NEDD4L: variants seen among roughly 807,000 people sequenced by gnomAD.
The protein encoded by NEDD4L is E3 ubiquitin-protein ligase NEDD4-like.
A neutral mutation model predicts 148.9 loss-of-function variants in NEDD4L; 54 were observed. The observed-to-expected ratio is 0.36, with a 90% CI of 0.29 to 0.45. The LOEUF is 0.45. NEDD4L is among the 20% of genes least tolerant of loss of function. The pLI, the probability that NEDD4L is intolerant of heterozygous loss-of-function variation, is 1.00. For synonymous variants in NEDD4L, 433 were observed against 440.7 expected (o/e 0.98, Z 0.22); for missense variants, 856 against 1,233.8 (o/e 0.69, Z 4.59).
intron 16 of NEDD4L, among the ~76,000 whole-genome samples, chr18:58,343,328 T>C (rs1310063926): frequency 6.6e-6 from 1 of 152,146 alleles, no homozygotes; most frequent in Admixed American, 6.5e-5. Flanking sequence ...GACTGCCTTT[T>C]CTCCTGGGAA....
intron 1 of NEDD4L, among the ~76,000 whole-genome samples, chr18:58,120,266 CCTT>C (rs2086143289): frequency 6.6e-6 from 1 of 152,098 alleles, no homozygotes. Flanking sequence ...AAAGACAAGG[CCTT>C]CTGATGTCAG....
chr18:58,230,046 A>G (rs2044938489), intron 2 of NEDD4L, among the ~76,000 whole-genome samples: 1 of 152,170 alleles, frequency 6.6e-6, no homozygotes, highest in South Asian at 2.1e-4. Context: ...AAAAATATCA[A>G]CAGCAGACAT....
chr18:58,345,412 T>C (rs909125318), intron 16 of NEDD4L, among the ~76,000 whole-genome samples: 1 of 152,218 alleles, frequency 6.6e-6, no homozygotes, highest in Admixed American at 6.5e-5. Flanking sequence ...GTTTGCTTTG[T>C]TTTTTATTTT....
chr18:58,093,918 A>G (rs57241266), intron 1 of NEDD4L, among the ~76,000 whole-genome samples: 15,033 of 152,236 alleles, frequency 0.099, 906 homozygotes, highest in Admixed American at 0.16. Flanking sequence ...TGCTAGAGCA[A>G]GACATGCAGT....
At chr18:58,111,107 G>A (rs774549019) in intron 1 of NEDD4L, among the ~76,000 whole-genome samples, 1 of 152,012 alleles carries the variant, frequency 6.6e-6, no homozygotes, top group Non-Finnish European at 1.5e-5. Context: ...TCTCACTGTC[G>A]CCCAGGCTGG....
In NEDD4L at chr18:58,195,483, C is replaced by A. The variant is rs534642675; in HGVS notation, c.122+29622C>A. The A allele has an allele frequency of 1.5e-4, 206 of 1,343,434 alleles. 4 individuals are homozygous for A. The South Asian group carries it at 2.2e-3, about 15-fold the overall frequency. 83.2% of individuals were successfully genotyped at this position (1,343,434 alleles called of 1,614,324 possible). On this transcript the variant is annotated intron_variant, in intron 2 of 30. Coordinates refer to ENST00000400345, the MANE Select transcript of NEDD4L (RefSeq NM_001144967.3). ...CCAACCCAGACAGGCTTAAGCCGCG[C>A]GAGGGTGCCCGGGTGGGTGGCTGCG...
intron 2 of NEDD4L, among the ~76,000 whole-genome samples, chr18:58,181,439 G>A (rs548315881): frequency 2.3e-4 from 35 of 152,156 alleles, no homozygotes; most frequent in South Asian, 1.2e-3. Context: ...GTCTATCTAC[G>A]GATTAATTAA....
intron 2 of NEDD4L, among the ~76,000 whole-genome samples, chr18:58,230,043 T>G (rs954907427): frequency 6.6e-6 from 1 of 151,946 alleles, no homozygotes; most frequent in Non-Finnish European, 1.5e-5. Context: ...TGGAAAAATA[T>G]CAACAGCAGA....
chr18:58,292,100 G>A (rs2054840218), intron 5 of NEDD4L, among the ~76,000 whole-genome samples: 1 of 151,734 alleles, frequency 6.6e-6, no homozygotes, highest in Admixed American at 6.6e-5. Flanking sequence ...GACAGAGCGA[G>A]CACTCAAACG....
At chr18:58,051,968 G>A (rs914040395) in intron 1 of NEDD4L, among the ~76,000 whole-genome samples, 3 of 152,078 alleles carry the variant, frequency 2.0e-5, no homozygotes, top group African/African-American at 7.2e-5. Flanking sequence ...CAGACTATAG[G>A]TGGCAATGTT....
At chr18:58,375,885 C>T (rs908587934) in intron 24 of NEDD4L, among the ~76,000 whole-genome samples, 1 of 151,892 alleles carries the variant, frequency 6.6e-6, no homozygotes, top group Non-Finnish European at 1.5e-5. Flanking sequence ...TTTAAAAAGC[C>T]GGACCTATTG....
rs77985836 is a variant in NEDD4L, at chr18:58,121,437, T to C, written c.49-44351T>C. Among the ~76,000 whole-genome samples, 1,180 of 152,252 alleles carry C rather than the reference T, an allele frequency of 7.8e-3. 15 individuals are homozygous for C. The highest frequency in any genetic ancestry group is 0.027 in the African/African-American group (1,107 of 41,548). On this transcript the variant is annotated intron_variant, in intron 1 of 30. Coordinates refer to ENST00000400345, the MANE Select transcript of NEDD4L (RefSeq NM_001144967.3). ...TTCTTTCTTTTCTTTCATTCTTTTT[T>C]TTTTTGACAGGGTCTCTCTATCACC... is the stretch of plus-strand genomic sequence containing the variant.
chr18:58,157,040 T>A (rs1448632276), intron 1 of NEDD4L, among the ~76,000 whole-genome samples: 2 of 144,984 alleles, frequency 1.4e-5, no homozygotes, highest in African/African-American at 2.6e-5. Flanking sequence ...AAAAAAAAAA[T>A]AGCTGGGTAT....
rs144578077 is a variant in NEDD4L at position 58,110,599 on chromosome 18, C to T, written c.49-55189C>T. Among the ~76,000 whole-genome samples, 356 of 152,268 alleles carry T rather than the reference C, an allele frequency of 2.3e-3. 2 individuals carry two copies. Among genetic ancestry groups the T allele is most frequent in the African/African-American group, 7.7e-3 (320 of 41,554 alleles). On this transcript the variant is annotated intron_variant, in intron 1 of 30. Coordinates refer to ENST00000400345, the MANE Select transcript of NEDD4L (RefSeq NM_001144967.3). The stretch of plus-strand genomic sequence containing the variant: ...TAGCCGTGCTGTGGACCTCAGTCCC[C>T]GAGGGAGCGCTGTGCCACCGCCACC...
chr18:58,098,684 C>A (rs1004284534), intron 1 of NEDD4L, among the ~76,000 whole-genome samples: 2 of 152,192 alleles, frequency 1.3e-5, no homozygotes, highest in African/African-American at 4.8e-5. Context: ...CCCAAACTCT[C>A]ACACTTTCCG....
At chr18:58,240,817 A>ATG (rs1030670163) in intron 2 of NEDD4L, among the ~76,000 whole-genome samples, 1 of 151,592 alleles carries the variant, frequency 6.6e-6, no homozygotes, top group Non-Finnish European at 1.5e-5. Flanking sequence ...GCTAACATTT[A>ATG]TGTATGTATG....
intron 2 of NEDD4L, among the ~76,000 whole-genome samples, chr18:58,224,776 C>G (rs973393372): frequency 6.6e-6 from 1 of 152,214 alleles, no homozygotes; most frequent in Non-Finnish European, 1.5e-5. Context: ...GAGGGGCACT[C>G]CTTCTCCCTT....
intron 2 of NEDD4L, among the ~76,000 whole-genome samples, chr18:58,180,021 C>T (rs889688906): frequency 7.2e-5 from 11 of 152,156 alleles, no homozygotes; most frequent in Non-Finnish European, 1.5e-4. Context: ...CAAGCAGCGT[C>T]CATATCTGCC....
At chr18:58,249,806 C>T (rs1327472492) in intron 4 of NEDD4L, among the ~76,000 whole-genome samples, 1 of 152,254 alleles carries the variant, frequency 6.6e-6, no homozygotes, top group Non-Finnish European at 1.5e-5. Context: ...TGGGCTACTA[C>T]ATACAGCATC....
Sources: gnomAD v4.1 joint callset for allele counts (sites outside exome capture counted in the v4.1 genomes callset) on GRCh38, gnomAD v4.1.1 for gene constraint, MANE v1.5 for transcripts, NCBI Gene and HGNC (gene_info 2026-07-23, HGNC 2026-07-21) for gene names.